Variants in OR10H5 observed in about 807,000 individuals in gnomAD.
OR10H5 encodes the protein olfactory receptor 10H5.
In OR10H5, 7 loss-of-function variants were observed where a neutral mutation model predicts 12.2. The observed-to-expected ratio is 0.57, with a 90% CI of 0.33 to 1.07. The LOEUF is 1.07. Ranked by LOEUF, OR10H5 falls within the 50% of genes least tolerant of loss-of-function variation. The pLI, the probability that OR10H5 is intolerant of heterozygous loss-of-function variation, is 0.04. For synonymous variants in OR10H5, 159 were observed against 175.1 expected (o/e 0.91, Z 0.73); for missense variants, 346 against 411.6 (o/e 0.84, Z 1.38).
chr19:15,794,197 G>C lies in OR10H5; in HGVS notation c.149G>C (p.Trp50Ser). 6.2e-7 allele frequency: 1 copy of C among 1,614,122 alleles called. No individual in the cohort carries two copies. The highest frequency in any genetic ancestry group is 1.3e-5 in the African/African-American group (1 of 75,018). Residue 50 changes from tryptophan (W) to serine (S), a missense_variant, in exon 2 of 2, where the codon TGG becomes TCG. Transcript: ENST00000642092. ...LGNLLIMATVWSERSLHMPMY... is the reference protein window; with the variant it reads ...LGNLLIMATVSSERSLHMPMY... ...AACCTGCTCATCATGGCCACTGTCT[G>C]GAGCGAGCGCAGCCTCCACATGCCC...
In OR10H5 at chr19:15,795,267, TTC is replaced by T. The variant is rs1360564895; in HGVS notation, c.*273_*274del. On this transcript the variant is annotated 3_prime_UTR_variant, in exon 2 of 2. Coordinates refer to ENST00000642092, the MANE Select transcript of OR10H5 (RefSeq NM_001004466.2). ...CCCTCTTTCCCTTCTCTCTGTCTCTTTCTGTTTCTATACCTCTCTGTCTCTGT... is the reference window on the plus strand; with the variant it reads ...CCCTCTTTCCCTTCTCTCTGTCTCTTTGTTTCTATACCTCTCTGTCTCTGT... The T allele has an allele frequency of 1.0e-5, 5 of 482,048 alleles. No homozygotes were observed. The highest frequency in any genetic ancestry group is 1.9e-5 in the Non-Finnish European group (5 of 269,478). 29.9% of individuals were successfully genotyped at this position (482,048 alleles called of 1,614,324 possible). A position where few individuals can be genotyped will look rare whatever the true frequency, so the allele number is the denominator to read the frequency against.
At position 15,795,083 on chromosome 19, in the gene OR10H5, TTTCCTCCCTCCCTCCC is replaced by T; in HGVS notation, c.*93_*108del. On this transcript the variant is annotated 3_prime_UTR_variant, in exon 2 of 2. Coordinates refer to ENST00000642092, the MANE Select transcript of OR10H5 (RefSeq NM_001004466.2). ...TTCTTTTCCTTTCCTCCCTCCCTCCTTTCCTCCCTCCCTCCCTTCCTTCCTTCTTTCCTTCCTCCCT... is the reference window on the plus strand; with the variant it reads ...TTCTTTTCCTTTCCTCCCTCCCTCCTTTCCTTCCTTCTTTCCTTCCTCCCT... The T allele has an allele frequency of 9.2e-7, 1 of 1,092,058 alleles. No individual in the cohort carries two copies. The highest frequency in any genetic ancestry group is 1.3e-6 in the Non-Finnish European group (1 of 767,802). 67.6% of individuals were successfully genotyped at this position (1,092,058 alleles called of 1,614,324 possible). A position where few individuals can be genotyped will look rare whatever the true frequency, so the allele number is the denominator to read the frequency against.
Position 15,794,820 on chromosome 19 carries a change from G to A in OR10H5, c.772G>A (p.Val258Ile), listed in dbSNP as rs372973246. ...VVVVHYGFAS[V>I]IYLKPKGPQS... ...GGTCGTGCACTATGGCTTTGCCTCC[G>A]TCATTTACCTGAAGCCCAAAGGTCC... is the stretch of plus-strand genomic sequence containing the variant. Residue 258 changes from valine (V) to isoleucine (I), a missense_variant, in exon 2 of 2, where the codon GTC becomes ATC. By Grantham distance (29) the Val-to-Ile change is conservative. Coordinates refer to ENST00000642092, the MANE Select transcript of OR10H5 (RefSeq NM_001004466.2). 4.5e-5 allele frequency: 73 copies of A among 1,614,098 alleles called. No individual in the cohort carries two copies. The highest frequency in any genetic ancestry group is 2.5e-4 in the African/African-American group (19 of 75,020).
At position 15,795,052 on chromosome 19, in the gene OR10H5, CTTTA is replaced by C. The variant is rs2088832804; in HGVS notation, c.*60_*63del. On this transcript the variant is annotated 3_prime_UTR_variant, in exon 2 of 2. Transcript: ENST00000642092. ...GAATGGGAACACTTTAGTCTTCCTCCTTTATTTCTTTTCCTTTCCTCCCTCCCTC... is the reference window on the plus strand; with the variant it reads ...GAATGGGAACACTTTAGTCTTCCTCCTTTCTTTTCCTTTCCTCCCTCCCTC... The C allele has an allele frequency of 2.1e-6, 3 of 1,446,962 alleles. No individual in the cohort carries two copies. The highest frequency in any genetic ancestry group is 1.4e-5 in the African/African-American group (1 of 70,688). The allele number at this position is 1,446,962 out of a possible 1,614,324, so 89.6% of individuals were successfully genotyped here.
At chr19:15,787,781 G>A (rs1452456061) in intron 1 of OR10H5, 65 bp downstream of exon 1, 1 of 152,924 alleles carries the variant, frequency 6.5e-6, no homozygotes, top group Non-Finnish European at 1.5e-5. Context: ...ACTGGGAGGT[G>A]GAAGGGAGAA....
rs984813207 is a variant in OR10H5 at position 15,797,175 on chromosome 19, A to G, written c.*2179A>G. The G allele has an allele frequency of 6.6e-6, 1 of 152,182 alleles. No individual in the cohort carries two copies. Among genetic ancestry groups the G allele is most frequent in the African/African-American group, 2.4e-5 (1 of 41,448 alleles). 9.4% of individuals were successfully genotyped at this position (152,182 alleles called of 1,614,324 possible). ...GAAGTTCTAGGGCACTTAACTACTAATATCTGGGGGGGCATTCTTTGCCTC... is the reference window on the plus strand; with the variant it reads ...GAAGTTCTAGGGCACTTAACTACTAGTATCTGGGGGGGCATTCTTTGCCTC... On this transcript the variant is annotated 3_prime_UTR_variant, in exon 2 of 2. Transcript: ENST00000642092.
rs575939396 is a variant in OR10H5 at position 15,793,503 on chromosome 19, AC to A, written c.-11-529del. On this transcript the variant is annotated intron_variant, in intron 1 of 1. Coordinates refer to ENST00000642092, the MANE Select transcript of OR10H5 (RefSeq NM_001004466.2). ...GGTCTCAAACTCCTGGCCTCAGGTGACCCCCCTCTGCCTCCGCCTCCCAAAG... is the reference window on the plus strand; with the variant it reads ...GGTCTCAAACTCCTGGCCTCAGGTGACCCCCTCTGCCTCCGCCTCCCAAAG... Among the ~76,000 whole-genome samples the A allele has an allele frequency of 6.6e-5, 10 of 151,134 alleles. No homozygotes were observed. The South Asian group carries it at 2.1e-3, about 32-fold the overall frequency.
At chr19:15,790,418 C>T (rs984751970) in intron 1 of OR10H5, among the ~76,000 whole-genome samples, 2 of 152,182 alleles carry the variant, frequency 1.3e-5, no homozygotes, top group Non-Finnish European at 2.9e-5. Flanking sequence ...CCCAGGGAAC[C>T]CCCAGGGCAG....
intron 1 of OR10H5, among the ~76,000 whole-genome samples, chr19:15,792,762 G>C (rs965339803): frequency 1.3e-5 from 2 of 152,044 alleles, no homozygotes; most frequent in Non-Finnish European, 2.9e-5. Flanking sequence ...TACTGTGCCC[G>C]GCCCTTAACC....
chr19:15,790,014 T>C (rs953981434), intron 1 of OR10H5, among the ~76,000 whole-genome samples: 1 of 152,142 alleles, frequency 6.6e-6, no homozygotes, highest in African/African-American at 2.4e-5. Context: ...CTCAAACTCC[T>C]GGCCTCAAGT....
chr19:15,789,358 G>T (rs1018964565), intron 1 of OR10H5, among the ~76,000 whole-genome samples: 1 of 152,178 alleles, frequency 6.6e-6, no homozygotes, highest in Non-Finnish European at 1.5e-5. Flanking sequence ...GTGTTCAGTT[G>T]TATGATAAAG....
In OR10H5 at chr19:15,794,844, C is replaced by T; in HGVS notation, c.796C>T (p.Pro266Ser). The stretch of plus-strand genomic sequence containing the variant: ...CGTCATTTACCTGAAGCCCAAAGGT[C>T]CCCAGTCTCCGGAAGGAGACACCTT... ...ASVIYLKPKG[P>S]QSPEGDTLMG... Residue 266 changes from proline (P) to serine (S), a missense_variant, in exon 2 of 2, where the codon CCC becomes TCC. Physicochemically the swap from Pro to Ser is moderately conservative, Grantham distance 74 (BLOSUM62 -1). Coordinates refer to ENST00000642092, the MANE Select transcript of OR10H5 (RefSeq NM_001004466.2). The T allele has an allele frequency of 6.2e-7, 1 of 1,614,132 alleles. No homozygotes were observed. The highest frequency in any genetic ancestry group is 8.5e-7 in the Non-Finnish European group (1 of 1,180,014).
At chr19:15,793,270 CCACAATGTGTGG>C (rs2088817317) in intron 1 of OR10H5, among the ~76,000 whole-genome samples, 1 of 152,058 alleles carries the variant, frequency 6.6e-6, no homozygotes, top group Non-Finnish European at 1.5e-5. Context: ...CAGACATGCA[CCACAATGTGTGG>C]CACATTTTCT....
intron 1 of OR10H5, among the ~76,000 whole-genome samples, chr19:15,788,570 C>T (rs1046411800): frequency 6.6e-6 from 1 of 152,160 alleles, no homozygotes; most frequent in African/African-American, 2.4e-5. Flanking sequence ...ACGATCACAG[C>T]TCACTGCAGC....
intron 1 of OR10H5, among the ~76,000 whole-genome samples, chr19:15,790,650 A>G (rs1478068502): frequency 6.6e-6 from 1 of 152,082 alleles, no homozygotes; most frequent in Non-Finnish European, 1.5e-5. Context: ...AGGCTCAGAG[A>G]TGACAGATGA....
At position 15,799,086 on chromosome 19, in the gene OR10H5, A is replaced by T. The variant is rs937274501; in HGVS notation, c.*4090A>T. On this transcript the variant is annotated 3_prime_UTR_variant, in exon 2 of 2. Coordinates refer to ENST00000642092, the MANE Select transcript of OR10H5 (RefSeq NM_001004466.2). ...GGATCTTTCTAAAGGGAAACTCTGA[A>T]AAATCATCCCTCTACTTAAACCTTC... 6.6e-6 allele frequency: 1 copy of T among 152,166 alleles called. No individual in the cohort carries two copies. Among genetic ancestry groups the T allele is most frequent in the Admixed American group, 6.6e-5 (1 of 15,266 alleles). 9.4% of individuals were successfully genotyped at this position (152,166 alleles called of 1,614,324 possible). A position where few individuals can be genotyped will look rare whatever the true frequency, so the allele number is the denominator to read the frequency against.
In OR10H5 at chr19:15,794,790, G is replaced by C; in HGVS notation, c.742G>C (p.Val248Leu). 3 of 1,614,042 alleles carry C rather than the reference G, an allele frequency of 1.9e-6. No individual in the cohort carries two copies. The highest frequency in any genetic ancestry group is 2.5e-6 in the Non-Finnish European group (3 of 1,179,964). ...CTCCACCTGTGCCTCTCACCTCACT[G>C]TGGTGGTCGTGCACTATGGCTTTGC... ...AFSTCASHLT[V>L]VVVHYGFASV... The change falls in exon 2 of 2, where the codon GTG (valine) becomes CTG (leucine). Residue 248 changes from valine (V) to leucine (L), a missense_variant. Transcript: ENST00000642092.
intron 1 of OR10H5, among the ~76,000 whole-genome samples, chr19:15,793,508 C>T (rs1050424337): frequency 3.9e-5 from 6 of 152,030 alleles, no homozygotes; most frequent in African/African-American, 1.4e-4. Context: ...AGGTGACCCC[C>T]CTCTGCCTCC....
intron 1 of OR10H5, among the ~76,000 whole-genome samples, chr19:15,791,482 G>A (rs999911373): frequency 5.5e-5 from 8 of 146,056 alleles, no homozygotes; most frequent in African/African-American, 2.0e-4. Context: ...ACACATTTTT[G>A]TTGGACTTAA....
Sources: allele counts gnomAD v4.1 joint callset (sites outside exome capture counted in the v4.1 genomes callset), GRCh38; gene constraint gnomAD v4.1.1; transcripts MANE v1.5; gene names NCBI Gene and HGNC (gene_info 2026-07-23, HGNC 2026-07-21).